PHKB: variants seen among roughly 807,000 people sequenced by gnomAD.
PHKB encodes phosphorylase b kinase regulatory subunit beta.
PHKB carries 122 observed loss-of-function variants against 152.1 expected under a neutral mutation model. The ratio of observed to expected loss-of-function variants is 0.80; its 90% CI spans 0.69 to 0.93. The LOEUF (loss-of-function observed/expected upper bound fraction) is 0.93, where lower values mean the gene tolerates loss of function less well. Ranked by LOEUF, PHKB falls within the 40% of genes least tolerant of loss-of-function variation. PHKB has a pLI of 0.00. For missense variants in PHKB, 1,304 were observed against 1,328.4 expected, an observed-to-expected ratio of 0.98 and a Z score of 0.29; for synonymous variants, 436 against 464.9, an observed-to-expected ratio of 0.94 and a Z score of 0.80.
chr16:47,599,621 T>A (rs1435367643), intron 13 of PHKB, among the ~76,000 whole-genome samples: 1 of 152,164 alleles, frequency 6.6e-6, no homozygotes, highest in Non-Finnish European at 1.5e-5. Flanking sequence ...CCATTTCTGT[T>A]TCATGACCAA....
intron 6 of PHKB, among the ~76,000 whole-genome samples, chr16:47,518,172 G>T (rs762880227): frequency 3.9e-5 from 6 of 152,150 alleles, no homozygotes; most frequent in South Asian, 2.1e-4. Context: ...TGGGATTACC[G>T]TTTATTTCCT....
At chr16:47,614,395 A>G (rs1972481153) in intron 14 of PHKB, among the ~76,000 whole-genome samples, 2 of 152,230 alleles carry the variant, frequency 1.3e-5, no homozygotes, top group South Asian at 4.1e-4. Context: ...GCTGAGTTGT[A>G]CGCCATGGTA....
chr16:47,596,297 A>G, intron 12 of PHKB, 76 bp from the exon 13 acceptor site: 1 of 1,039,714 alleles, frequency 9.6e-7, no homozygotes, highest in Non-Finnish European at 1.5e-6. Context: ...AGTCTTGGGT[A>G]TATCTTTATT....
chr16:47,622,644 A>G (rs1411439683), intron 14 of PHKB, among the ~76,000 whole-genome samples: 1 of 152,200 alleles, frequency 6.6e-6, no homozygotes, highest in Non-Finnish European at 1.5e-5. Flanking sequence ...TGTGAAGTAG[A>G]CTAGCCCATT....
intron 14 of PHKB, among the ~76,000 whole-genome samples, chr16:47,611,642 T>A (rs145446038): frequency 7.2e-4 from 109 of 151,052 alleles, no homozygotes; most frequent in African/African-American, 2.3e-3. Flanking sequence ...TCCTTATATT[T>A]AAAAAAAAAT....
intron 6 of PHKB, among the ~76,000 whole-genome samples, chr16:47,523,735 C>A (rs1970722039): frequency 6.6e-6 from 1 of 152,156 alleles, no homozygotes; most frequent in Admixed American, 6.5e-5. Context: ...TTTTAGGCAG[C>A]TGCAGTGTTA....
At chr16:47,473,218 A>ATTTTTTTCT (rs1969807742) in intron 1 of PHKB, among the ~76,000 whole-genome samples, 1 of 48,738 alleles carries the variant, frequency 2.1e-5, no homozygotes, top group African/African-American at 7.8e-5. Flanking sequence ...TGCCTGGCTA[A>ATTTTTTTCT]TTTTTTTTTT....
chr16:47,480,796 C>A (rs1164547457), intron 1 of PHKB, among the ~76,000 whole-genome samples: 1 of 152,074 alleles, frequency 6.6e-6, no homozygotes, highest in Admixed American at 6.6e-5. Context: ...TAGTCACATT[C>A]TTTCAGTTTC....
chr16:47,558,907 T>G (rs1168334445), intron 7 of PHKB, among the ~76,000 whole-genome samples: 1 of 152,184 alleles, frequency 6.6e-6, no homozygotes, highest in Non-Finnish European at 1.5e-5. Flanking sequence ...CCCATAGCTG[T>G]TTTTTTATAC....
chr16:47,595,163 T>C (rs1294908344), intron 12 of PHKB, among the ~76,000 whole-genome samples: 2 of 152,246 alleles, frequency 1.3e-5, no homozygotes, highest in African/African-American at 4.8e-5. Flanking sequence ...GAAGCAGATC[T>C]TTTAATATTT....
intron 7 of PHKB, among the ~76,000 whole-genome samples, chr16:47,567,265 T>C (rs1971585539): frequency 6.6e-6 from 1 of 152,190 alleles, no homozygotes; most frequent in Admixed American, 6.5e-5. Flanking sequence ...TTGATTTCTT[T>C]CGTCACTGTT....
intron 14 of PHKB, among the ~76,000 whole-genome samples, chr16:47,617,070 T>A (rs1451659293): frequency 6.6e-6 from 1 of 151,914 alleles, no homozygotes; most frequent in African/African-American, 2.4e-5. Context: ...GTCAAGGCCA[T>A]CATGAGCATG....
At chr16:47,560,775 AC>A (rs1971462570) in intron 7 of PHKB, among the ~76,000 whole-genome samples, 1 of 152,170 alleles carries the variant, frequency 6.6e-6, no homozygotes, top group African/African-American at 2.4e-5. Flanking sequence ...GAGATCAAAG[AC>A]CTATACCTAT....
chr16:47,479,358 G>C (rs1969925099), intron 1 of PHKB, among the ~76,000 whole-genome samples: 1 of 152,094 alleles, frequency 6.6e-6, no homozygotes, highest in Admixed American at 6.6e-5. Flanking sequence ...AGGGATTGTA[G>C]AGCTAGATTT....
chr16:47,669,912 C>G (rs968425364), intron 26 of PHKB, among the ~76,000 whole-genome samples: 3 of 152,126 alleles, frequency 2.0e-5, no homozygotes, highest in Non-Finnish European at 4.4e-5. Context: ...CTCTGATGAT[C>G]TTGAATATTT....
chr16:47,690,692 C>T (rs1974044212), intron 27 of PHKB, among the ~76,000 whole-genome samples: 1 of 151,638 alleles, frequency 6.6e-6, no homozygotes, highest in Admixed American at 6.6e-5. Context: ...TAGACAAATA[C>T]AATAGTTACC....
intron 1 of PHKB, among the ~76,000 whole-genome samples, chr16:47,468,121 T>G (rs1246038860): frequency 1.3e-5 from 2 of 152,222 alleles, no homozygotes; most frequent in Non-Finnish European, 2.9e-5. Context: ...CTGTAAATCT[T>G]TCTACTCCAC....
rs148996502 is a variant in PHKB at position 47,507,081 on chromosome 16, C to T, written c.405+3991C>T. 7.0e-3 allele frequency among the ~76,000 whole-genome samples: 1,060 copies of T among 152,236 alleles called. 15 individuals are homozygous for T. Among genetic ancestry groups the T allele is most frequent in the African/African-American group, 0.024 (1,015 of 41,518 alleles). On this transcript the variant is annotated intron_variant, in intron 4 of 30. Transcript: ENST00000323584. ...CTTGACCTCCCAGGCTCAATCAACC[C>T]TCCCACCTCAGCCTCCCAAGTAGCT... is the stretch of plus-strand genomic sequence containing the variant.
chr16:47,652,845 G>A (rs780563149), intron 20 of PHKB, among the ~76,000 whole-genome samples: 5 of 152,098 alleles, frequency 3.3e-5, no homozygotes, highest in Non-Finnish European at 5.9e-5. Context: ...ATCTTGCTAT[G>A]TTGCCCAGGC....
Sources: allele counts gnomAD v4.1 joint callset (sites outside exome capture counted in the v4.1 genomes callset), GRCh38; gene constraint gnomAD v4.1.1; transcripts MANE v1.5; gene names NCBI Gene and HGNC (gene_info 2026-07-23, HGNC 2026-07-21).